PDE1C: variants seen among roughly 807,000 people sequenced by gnomAD.
PDE1C encodes the protein phosphodiesterase 1C, also known as dual specificity calcium/calmodulin-dependent 3',5'-cyclic nucleotide phosphodiesterase 1C.
A neutral mutation model predicts 93.1 loss-of-function variants in PDE1C; 62 were observed. The observed-to-expected ratio is 0.67, with a 90% CI of 0.54 to 0.82. The LOEUF (loss-of-function observed/expected upper bound fraction) is 0.82. Among genes scored for constraint, PDE1C ranks in the 40% least tolerant of loss-of-function variants. The probability of loss-of-function intolerance (pLI) is 0.00; values close to 1 mark genes in which losing one functional copy is unlikely to be tolerated. For missense variants in PDE1C, 742 were observed against 884.6 expected (o/e 0.84, Z 2.04); for synonymous variants, 325 against 310.1 (o/e 1.05, Z -0.50).
the PDE1C span, among the ~76,000 whole-genome samples, chr7:31,660,248 T>C: frequency 1.3e-5 from 2 of 152,222 alleles, no homozygotes; most frequent in Non-Finnish European, 2.9e-5. Flanking sequence ...ACTAGCCCAC[T>C]GTCACTTTTC....
chr7:32,208,741 C>T (rs1469288370), intron 2 of PDE1C, among the ~76,000 whole-genome samples: 2 of 152,090 alleles, frequency 1.3e-5, no homozygotes, highest in East Asian at 3.9e-4. Context: ...TCCAGGTTTT[C>T]GTTCCAGGAA....
At chr7:32,188,550 T>C (rs1247604094) in intron 2 of PDE1C, among the ~76,000 whole-genome samples, 2 of 152,188 alleles carry the variant, frequency 1.3e-5, no homozygotes, top group Non-Finnish European at 2.9e-5. Context: ...ATGTCACATA[T>C]TTTTATTTAT....
At chr7:32,016,733 A>G (rs987825095) in intron 2 of PDE1C, among the ~76,000 whole-genome samples, 3 of 152,316 alleles carry the variant, frequency 2.0e-5, no homozygotes, top group Non-Finnish European at 4.4e-5. Flanking sequence ...ATACATCAAT[A>G]AAGTGAATAA....
At chr7:32,386,894 T>TA (rs1483624728) in intron 1 of PDE1C, among the ~76,000 whole-genome samples, 2 of 152,034 alleles carry the variant, frequency 1.3e-5, no homozygotes, top group African/African-American at 4.8e-5. Flanking sequence ...TTTTTTTTTT[T>TA]ATTGATCATT....
the PDE1C span, among the ~76,000 whole-genome samples, chr7:31,639,166 T>G: frequency 3.3e-5 from 5 of 152,350 alleles, no homozygotes; most frequent in East Asian, 9.6e-4. Flanking sequence ...AACTTTTCTT[T>G]GAAACATTTC....
At chr7:31,982,448 A>G (rs1812509540) in intron 2 of PDE1C, among the ~76,000 whole-genome samples, 1 of 152,254 alleles carries the variant, frequency 6.6e-6, no homozygotes, top group Non-Finnish European at 1.5e-5. Context: ...TAGCCTATAA[A>G]AAGGAAGATG....
chr7:31,692,554 G>T, the PDE1C span: 1 of 1,558,938 alleles, frequency 6.4e-7, no homozygotes, highest in Non-Finnish European at 8.8e-7. Context: ...GAATGTCAGT[G>T]GTGGAAGTCA....
At chr7:32,301,858 A>T (rs1812889148), upstream of PDE1C, among the ~76,000 whole-genome samples, 1 of 152,238 alleles carries the variant, frequency 6.6e-6, no homozygotes, top group South Asian at 2.1e-4. Context: ...TGCAGATGAA[A>T]TCTGGCCCAT....
chr7:31,647,460 G>A, the PDE1C span, among the ~76,000 whole-genome samples: 5 of 150,172 alleles, frequency 3.3e-5, no homozygotes, highest in Admixed American at 6.6e-5. Flanking sequence ...TTAGGGCTTC[G>A]AGAACAGCCT....
At chr7:31,716,487 GATC>G in the PDE1C span, among the ~76,000 whole-genome samples, 1 of 152,116 alleles carries the variant, frequency 6.6e-6, no homozygotes, top group African/African-American at 2.4e-5. Flanking sequence ...CTGACATACT[GATC>G]ATATATTAAC....
chr7:32,154,844 A>G (rs1801471523), intron 3 of PDE1C, among the ~76,000 whole-genome samples: 1 of 152,250 alleles, frequency 6.6e-6, no homozygotes, highest in African/African-American at 2.4e-5. Flanking sequence ...TGTGTGGCAG[A>G]CATGAGCCCA....
intron 2 of PDE1C, among the ~76,000 whole-genome samples, chr7:31,995,412 C>G (rs1020100763): frequency 4.6e-5 from 7 of 152,016 alleles, no homozygotes; most frequent in African/African-American, 1.5e-4. Flanking sequence ...ACCAAACCTG[C>G]TATGCCCAGA....
intron 1 of PDE1C, among the ~76,000 whole-genome samples, chr7:32,251,596 C>A (rs1401223740): frequency 6.6e-6 from 1 of 152,162 alleles, no homozygotes; most frequent in Non-Finnish European, 1.5e-5. Context: ...TGCTCTCCTG[C>A]CTCAAGAGTT....
chr7:31,690,248 A>G, the PDE1C span, among the ~76,000 whole-genome samples: 3 of 152,274 alleles, frequency 2.0e-5, no homozygotes, highest in East Asian at 5.8e-4. Flanking sequence ...CGTGGTAGAT[A>G]GACAACATTA....
At chr7:32,298,688 G>A (rs569362262) in exon 1 of PDE1C, 3 of 1,607,712 alleles carry the variant, frequency 1.9e-6, no homozygotes, top group Non-Finnish European at 2.5e-6. Flanking sequence ...TGAAAGTGGC[G>A]CTCCGGCATT....
chr7:32,143,899 C>T (rs1800673965), intron 3 of PDE1C, among the ~76,000 whole-genome samples: 2 of 152,026 alleles, frequency 1.3e-5, no homozygotes, highest in South Asian at 4.1e-4. Context: ...AGACAAAGTG[C>T]AATGATGTGT....
At chr7:32,217,805 G>A (rs1806540136) in intron 1 of PDE1C, among the ~76,000 whole-genome samples, 1 of 152,232 alleles carries the variant, frequency 6.6e-6, no homozygotes, top group Non-Finnish European at 1.5e-5. Context: ...CTTAAAATGA[G>A]AAATGCTATA....
At chr7:32,154,245 C>T (rs528512150) in intron 3 of PDE1C, among the ~76,000 whole-genome samples, 4 of 151,938 alleles carry the variant, frequency 2.6e-5, no homozygotes, top group Admixed American at 6.6e-5. Context: ...GGTGACAGAG[C>T]GAGACTATGC....
At chr7:31,846,062 G>A (rs1006237006) in intron 9 of PDE1C, among the ~76,000 whole-genome samples, 2 of 151,944 alleles carry the variant, frequency 1.3e-5, no homozygotes, top group African/African-American at 4.8e-5. Context: ...GATACATCAT[G>A]GTTTTGAAGG....
Sources: gnomAD v4.1 joint callset for allele counts (sites outside exome capture counted in the v4.1 genomes callset) on GRCh38, gnomAD v4.1.1 for gene constraint, MANE v1.5 for transcripts, NCBI Gene and HGNC (gene_info 2026-07-23, HGNC 2026-07-21) for gene names.